Variants in DSG3 observed in about 807,000 individuals in gnomAD.
The protein encoded by DSG3 is desmoglein 3.
In DSG3, 63 loss-of-function variants were observed where a neutral mutation model predicts 85.9. The observed-to-expected ratio is 0.73, with a 90% confidence interval of 0.60 to 0.90. The LOEUF is 0.90. Ranked by LOEUF, DSG3 falls within the 40% of genes least tolerant of loss-of-function variation. DSG3 has a pLI of 0.00. For missense variants in DSG3, 1,220 were observed against 1,219.9 expected (o/e 1.00, Z 0.00); for synonymous variants, 447 against 441.9 (o/e 1.01, Z -0.14).
Position 31,477,225 on chromosome 18 carries a change from T to G in DSG3, c.*965T>G, listed in dbSNP as rs1174603376. The G allele has an allele frequency of 1.3e-5, 2 of 152,236 alleles. No individual in the cohort carries two copies. Among genetic ancestry groups the G allele is most frequent in the East Asian group, 3.8e-4 (2 of 5,198 alleles). 9.4% of individuals were successfully genotyped at this position (152,236 alleles called of 1,614,324 possible). On this transcript the variant is annotated 3_prime_UTR_variant, in exon 16 of 16. Coordinates refer to ENST00000257189, the MANE Select transcript of DSG3 (RefSeq NM_001944.3). Reference sequence around the variant, plus strand: ...AGAAAGTTTAGTATAAATAATATTTTGTGTGTTTTAATCCCTTTGAAGGGA... The same window carrying G: ...AGAAAGTTTAGTATAAATAATATTTGGTGTGTTTTAATCCCTTTGAAGGGA...
At chr18:31,468,577 C>T (rs12604279) in intron 11 of DSG3, among the ~76,000 whole-genome samples, 33,416 of 151,952 alleles carry the variant, frequency 0.22, 3,608 homozygotes, top group South Asian at 0.26. Flanking sequence ...CTCATCACTG[C>T]TCAAACATCA....
intron 6 of DSG3, among the ~76,000 whole-genome samples, chr18:31,460,273 G>A (rs1186397665): frequency 6.6e-6 from 1 of 152,178 alleles, no homozygotes; most frequent in East Asian, 1.9e-4. Flanking sequence ...CATTGACATA[G>A]ACATACATGG....
At chr18:31,455,996 C>T (rs2072739586) in intron 1 of DSG3, among the ~76,000 whole-genome samples, 1 of 152,178 alleles carries the variant, frequency 6.6e-6, no homozygotes, top group Non-Finnish European at 1.5e-5. Context: ...TGCCTTCCTA[C>T]AAATCAGTTG....
rs760032022 is a variant in DSG3 at position 31,460,863 on chromosome 18, G to A, written c.715G>A (p.Gly239Ser). The A allele has an allele frequency of 4.4e-6, 7 of 1,593,314 alleles. No individual in the cohort carries two copies. The highest frequency in any genetic ancestry group is 3.3e-4 in the Middle Eastern group (2 of 6,024). ...QASSYRLVVS[G>S]ADKDGEGLST... ...TAGCAGCTATCGTCTGGTTGTGAGT[G>A]GTGCAGACAAAGATGGAGAAGGACT... is the stretch of plus-strand genomic sequence containing the variant. Residue 239 changes from glycine (G) to serine (S), a missense_variant, in exon 7 of 16, where the codon GGT (glycine) becomes AGT (serine). Physicochemically the swap from Gly to Ser is moderately conservative, Grantham distance 56. Coordinates refer to ENST00000257189, the MANE Select transcript of DSG3 (RefSeq NM_001944.3).
At chr18:31,467,076 C>T (rs1389158125) in intron 11 of DSG3, among the ~76,000 whole-genome samples, 3 of 152,142 alleles carry the variant, frequency 2.0e-5, no homozygotes, top group Non-Finnish European at 4.4e-5. Context: ...CACGGTGGCT[C>T]ACACCTGGAA....
chr18:31,466,664 C>T lies in DSG3; in HGVS notation c.1546C>T (p.Leu516=). Residue 516 remains leucine (L), a synonymous_variant, in exon 11 of 16, where the codon CTG becomes TTG. Transcript: ENST00000257189. The stretch of plus-strand genomic sequence containing the variant: ...TTCCGTGGTTGTCTCCGCTAGAACA[C>T]TGAATAATAGATACACTGGCCCCTA... ...SPSVVVSART[L]NNRYTGPYTF... is the part of the protein sequence containing the mutation. The T allele has an allele frequency of 6.2e-7, 1 of 1,614,210 alleles. No individual in the cohort carries two copies. The highest frequency in any genetic ancestry group is 1.1e-5 in the South Asian group (1 of 91,090).
At chr18:31,453,767 G>A (rs1307676957) in intron 1 of DSG3, among the ~76,000 whole-genome samples, 1 of 151,876 alleles carries the variant, frequency 6.6e-6, no homozygotes, top group Non-Finnish European at 1.5e-5. Context: ...TCTCCATGTT[G>A]GTATTTCCAA....
At chr18:31,450,616 A>G (rs903269870) in intron 1 of DSG3, among the ~76,000 whole-genome samples, 2 of 152,208 alleles carry the variant, frequency 1.3e-5, no homozygotes, top group Non-Finnish European at 2.9e-5. Flanking sequence ...ATGACCATAC[A>G]TGGGTTGCCC....
intron 15 of DSG3, 76 bp from the exon 16 acceptor site, chr18:31,475,570 G>A (rs2072880911): frequency 6.6e-7 from 1 of 1,519,296 alleles, no homozygotes; most frequent in Admixed American, 2.1e-5. Flanking sequence ...ATCCAAATGA[G>A]TTCTACAAAC....
intron 10 of DSG3, among the ~76,000 whole-genome samples, chr18:31,466,132 T>C (rs1294498969): frequency 3.9e-5 from 6 of 152,132 alleles, no homozygotes; most frequent in Admixed American, 6.5e-5. Flanking sequence ...GTAATAAAAA[T>C]ATACAATTTT....
chr18:31,453,597 T>G (rs1384296649), intron 1 of DSG3, among the ~76,000 whole-genome samples: 1 of 152,168 alleles, frequency 6.6e-6, no homozygotes, highest in Admixed American at 6.5e-5. Flanking sequence ...TTTTTTAAAT[T>G]TAATAATTAG....
chr18:31,474,827 T>A (rs371418124), intron 15 of DSG3, among the ~76,000 whole-genome samples: 7 of 152,178 alleles, frequency 4.6e-5, no homozygotes, highest in Non-Finnish European at 1.0e-4. Context: ...GCAAGTAGTA[T>A]CTCATTCCTC....
chr18:31,451,649 C>T (rs56069436), intron 1 of DSG3, among the ~76,000 whole-genome samples: 40,900 of 152,062 alleles, frequency 0.27, 6,118 homozygotes, highest in African/African-American at 0.41. Flanking sequence ...AAATAAATGT[C>T]CTACTGAACT....
Position 31,459,141 on chromosome 18 carries a change from A to G in DSG3, c.481A>G (p.Ile161Val), listed in dbSNP as rs2072767883. The G allele has an allele frequency of 1.9e-6, 3 of 1,612,990 alleles. No individual in the cohort carries two copies. In the East Asian group the frequency reaches 6.7e-5, roughly 36 times the overall value. The change falls in exon 5 of 16, where the codon ATT (isoleucine) becomes GTT (valine). Residue 161 changes from isoleucine to valine, a missense_variant. Physicochemically the swap from Ile to Val is conservative, Grantham distance 29. Coordinates refer to ENST00000257189, the MANE Select transcript of DSG3 (RefSeq NM_001944.3). ...NDNPPVFSQQ[I>V]FMGEIEENSA... ...TAATCCTCCAGTATTTTCACAACAA[A>G]TTTTCATGGGTGAAATTGAAGAAAA... is the stretch of plus-strand genomic sequence containing the variant.
intron 9 of DSG3, among the ~76,000 whole-genome samples, chr18:31,464,663 A>G (rs934691021): frequency 6.6e-6 from 1 of 152,206 alleles, no homozygotes; most frequent in Admixed American, 6.5e-5. Flanking sequence ...GGAAACTTAC[A>G]GTTGAGTCTT....
intron 1 of DSG3, among the ~76,000 whole-genome samples, chr18:31,452,605 C>G (rs1160424225): frequency 6.7e-6 from 1 of 148,998 alleles, no homozygotes; most frequent in African/African-American, 2.5e-5. Flanking sequence ...TATTAAATGG[C>G]AATTTAATAA....
At chr18:31,451,507 A>C (rs1269509989) in intron 1 of DSG3, among the ~76,000 whole-genome samples, 1 of 152,206 alleles carries the variant, frequency 6.6e-6, no homozygotes, top group Non-Finnish European at 1.5e-5. Flanking sequence ...TTTCTATAAA[A>C]CATCTAAAAA....
chr18:31,463,715 G>A (rs898098246), intron 8 of DSG3, among the ~76,000 whole-genome samples: 5 of 152,116 alleles, frequency 3.3e-5, no homozygotes, highest in South Asian at 4.1e-4. Context: ...CCCTGATGAG[G>A]TAAGGCTTTT....
At chr18:31,460,082 T>C in intron 6 of DSG3, 71 bp downstream of exon 6, 1 of 1,475,480 alleles carries the variant, frequency 6.8e-7, no homozygotes. Context: ...GAGAGGTGAC[T>C]CCATTTTACC....
Sources: gnomAD v4.1 joint callset for allele counts (sites outside exome capture counted in the v4.1 genomes callset) on GRCh38, gnomAD v4.1.1 for gene constraint, MANE v1.5 for transcripts, NCBI Gene and HGNC (gene_info 2026-07-23, HGNC 2026-07-21) for gene names.